The following CRHR1 variants were observed in gnomAD, a reference collection of about 807,000 sequenced individuals.
CRHR1 encodes corticotropin-releasing hormone receptor 1.
CRHR1 carries 28 observed loss-of-function variants against 56.0 expected under a neutral mutation model. The ratio of observed to expected loss-of-function variants is 0.50; its 90% CI spans 0.37 to 0.69. CRHR1 has a LOEUF of 0.69. CRHR1 is among the 30% of genes least tolerant of loss of function. CRHR1 has a pLI of 0.00. For missense variants in CRHR1, 376 were observed against 548.0 expected (o/e 0.69, Z 3.13); for synonymous variants, 195 against 216.5 (o/e 0.90, Z 0.87).
In CRHR1 at chr17:45,784,539, C is replaced by G; in HGVS notation, c.-6C>G. 1 of 1,551,824 alleles carries G rather than the reference C, an allele frequency of 6.4e-7. No homozygotes were observed. Among genetic ancestry groups the G allele is most frequent in the African/African-American group, 1.4e-5 (1 of 72,232 alleles). On this transcript the variant is annotated 5_prime_UTR_variant, in exon 1 of 13. Transcript: ENST00000314537. The surrounding 1 kb of genome is among the most constrained non-coding windows in gnomAD (Gnocchi z 4.2). ...CATTCAGGACGGTAGCCGAGCGAGC[C>G]CGAGGATGGGAGGGCACCCGCAGCT...
At position 45,812,520 on chromosome 17, in the gene CRHR1, T is replaced by C. The variant is rs530551685; in HGVS notation, c.122-3943T>C. On this transcript the variant is annotated intron_variant, in intron 2 of 12. Coordinates refer to ENST00000314537, the MANE Select transcript of CRHR1 (RefSeq NM_004382.5). Reference sequence around the variant, plus strand: ...CAGGAGAGCAGAAGAGGTCAGGCTTTTGTGGCACTGGAACTGGAGGGAGGG... The same window carrying C: ...CAGGAGAGCAGAAGAGGTCAGGCTTCTGTGGCACTGGAACTGGAGGGAGGG... Among the ~76,000 whole-genome samples, 3 of 152,292 alleles carry C rather than the reference T, an allele frequency of 2.0e-5. No homozygotes were observed. The South Asian group carries it at 6.2e-4, about 32-fold the overall frequency.
chr17:45,833,435 G>T lies in CRHR1; in HGVS notation c.844-17G>T, dbSNP rs758490500. Reference sequence around the variant, plus strand: ...GCCTCTTGCACACTCCGGCCCGCTGGTGTGCTCAAATTGCAGATCAATTTC... The same window carrying T: ...GCCTCTTGCACACTCCGGCCCGCTGTTGTGCTCAAATTGCAGATCAATTTC... On this transcript the variant is annotated splice_polypyrimidine_tract_variant and intron_variant, in intron 9 of 12. Coordinates refer to ENST00000314537, the MANE Select transcript of CRHR1 (RefSeq NM_004382.5). The T allele has an allele frequency of 7.4e-6, 12 of 1,613,678 alleles. No individual in the cohort carries two copies. The East Asian group carries it at 1.6e-4, about 21-fold the overall frequency.
chr17:45,791,691 C>G (rs1344152570), intron 1 of CRHR1, among the ~76,000 whole-genome samples: 4 of 151,964 alleles, frequency 2.6e-5, no homozygotes, highest in Non-Finnish European at 5.9e-5. Context: ...GCAGAGATGC[C>G]CCAGATGAGC....
chr17:45,821,528 G>A (rs2062041897), intron 4 of CRHR1, 88 bp downstream of exon 4: 16 of 1,232,448 alleles, frequency 1.3e-5, no homozygotes, highest in Non-Finnish European at 1.8e-5. Context: ...GAGTCAGGGA[G>A]CCAGAGGCTA....
chr17:45,833,693 T>TGGGGGGGGCCCCC, intron 10 of CRHR1, 21 bp from the exon 11 acceptor site: 4 of 1,571,594 alleles, frequency 2.5e-6, no homozygotes, highest in Non-Finnish European at 3.5e-6. Flanking sequence ...ACTCCGAGCC[T>TGGGGGGGGCCCCC]CCCCACCCGC....
intron 3 of CRHR1, among the ~76,000 whole-genome samples, chr17:45,816,844 C>T (rs1011631535): frequency 1.3e-5 from 2 of 152,174 alleles, no homozygotes; most frequent in African/African-American, 4.8e-5. Context: ...GGAACTTGCC[C>T]CATTGGCAGC....
At chr17:45,823,705 C>T (rs935887432) in intron 4 of CRHR1, among the ~76,000 whole-genome samples, 2 of 152,168 alleles carry the variant, frequency 1.3e-5, no homozygotes, top group Non-Finnish European at 2.9e-5. Context: ...ACAAAGTTAA[C>T]GGAGAAAGAA....
At chr17:45,808,543 G>A (rs2061761375) in intron 2 of CRHR1, among the ~76,000 whole-genome samples, 1 of 152,210 alleles carries the variant, frequency 6.6e-6, no homozygotes, top group African/African-American at 2.4e-5. Flanking sequence ...CCTGCCCCAA[G>A]GATCTCTTAT....
intron 1 of CRHR1, among the ~76,000 whole-genome samples, chr17:45,804,986 T>C (rs1049508665): frequency 1.3e-5 from 2 of 152,076 alleles, no homozygotes; most frequent in African/African-American, 4.8e-5. Context: ...GGCTAATTTT[T>C]GTATTTTTAG....
chr17:45,832,234 T>C (rs1169484207), intron 8 of CRHR1, among the ~76,000 whole-genome samples: 5 of 151,946 alleles, frequency 3.3e-5, no homozygotes, highest in African/African-American at 7.3e-5. Flanking sequence ...TCCATGAGTC[T>C]CAAAAAACAA....
At position 45,784,753 on chromosome 17, in the gene CRHR1, G is replaced by A. The variant is rs1241873684; in HGVS notation, c.33+176G>A. Among the ~76,000 whole-genome samples the A allele has an allele frequency of 6.6e-6, 1 of 152,186 alleles. No individual in the cohort carries two copies. The highest frequency in any genetic ancestry group is 1.5e-5 in the Non-Finnish European group (1 of 68,016). ...TCTGGACCTTTGGAGCCAGGGTTGGGTAGGCAGGGGGAGACTCAGGTGAGA... is the reference window on the plus strand; with the variant it reads ...TCTGGACCTTTGGAGCCAGGGTTGGATAGGCAGGGGGAGACTCAGGTGAGA... On this transcript the variant is annotated intron_variant, in intron 1 of 12. Transcript: ENST00000314537. This position sits in a 1 kb window ranked among gnomAD's most constrained non-coding sequence, Gnocchi z 4.2.
intron 2 of CRHR1, 131 bp downstream of exon 2, chr17:45,807,228 C>T: frequency 1.3e-6 from 1 of 783,948 alleles, no homozygotes; most frequent in Non-Finnish European, 2.1e-6. Flanking sequence ...CTCCAGGGCT[C>T]CAAGCAATTC....
At chr17:45,803,439 T>C (rs1371356715) in intron 1 of CRHR1, among the ~76,000 whole-genome samples, 1 of 152,172 alleles carries the variant, frequency 6.6e-6, no homozygotes, top group Non-Finnish European at 1.5e-5. Flanking sequence ...CAGGCTGGAG[T>C]GCAATGGCGT....
At chr17:45,806,622 T>G (rs2061725135) in intron 1 of CRHR1, among the ~76,000 whole-genome samples, 1 of 152,166 alleles carries the variant, frequency 6.6e-6, no homozygotes. Flanking sequence ...GGTGTGTGTG[T>G]GTGTGCACAT....
intron 1 of CRHR1, among the ~76,000 whole-genome samples, chr17:45,792,773 C>T (rs1264839784): frequency 6.6e-6 from 1 of 152,198 alleles, no homozygotes; most frequent in Non-Finnish European, 1.5e-5. Flanking sequence ...TGGGGTCTTA[C>T]AGCTCTTTGA....
In CRHR1 at chr17:45,790,624, C is replaced by T. The variant is rs2061409249; in HGVS notation, c.33+6047C>T. ...CCCAGAGAGAAGCCTCAGCGAGGTG[C>T]TTTGAGATGGGATTTGTGGGGTGTG... On this transcript the variant is annotated intron_variant, in intron 1 of 12. Coordinates refer to ENST00000314537, the MANE Select transcript of CRHR1 (RefSeq NM_004382.5). Among the ~76,000 whole-genome samples, 4 of 152,208 alleles carry T rather than the reference C, an allele frequency of 2.6e-5. No individual in the cohort carries two copies. The South Asian group carries it at 8.3e-4, about 32-fold the overall frequency.
intron 1 of CRHR1, among the ~76,000 whole-genome samples, chr17:45,799,043 G>T (rs1410902633): frequency 6.6e-6 from 1 of 152,230 alleles, no homozygotes; most frequent in Non-Finnish European, 1.5e-5. Flanking sequence ...CCCGAGGCGG[G>T]ATGGGGAGAA....
At chr17:45,834,195 A>C in intron 12 of CRHR1, 147 bp downstream of exon 12, 2 of 1,015,224 alleles carry the variant, frequency 2.0e-6, no homozygotes, top group Non-Finnish European at 1.5e-6. Flanking sequence ...TGGGAGCCCC[A>C]GGGTGGCCCC....
At chr17:45,819,131 G>C (rs144952853) in intron 3 of CRHR1, among the ~76,000 whole-genome samples, 1 of 152,284 alleles carries the variant, frequency 6.6e-6, no homozygotes, top group Non-Finnish European at 1.5e-5. Flanking sequence ...CAAGGGACAC[G>C]CTCTGAGTCT....
Sources: gnomAD v4.1 joint callset for allele counts (sites outside exome capture counted in the v4.1 genomes callset) on GRCh38, gnomAD v4.1.1 for gene constraint, Gnocchi (gnomAD v3.1) non-coding constraint, MANE v1.5 for transcripts, NCBI Gene and HGNC (gene_info 2026-07-23, HGNC 2026-07-21) for gene names.